MCTP2: variants seen among roughly 807,000 people sequenced by gnomAD.
MCTP2 encodes multiple C2 and transmembrane domain-containing protein 2.
A neutral mutation model predicts 111.6 loss-of-function variants in MCTP2; 132 were observed. The ratio of observed to expected loss-of-function variants is 1.18; its 90% CI spans 1.03 to 1.37. The LOEUF (loss-of-function observed/expected upper bound fraction) is 1.37, where lower values mean the gene tolerates loss of function less well. MCTP2 is among the 40% of genes most tolerant of loss of function. The pLI is 0.00. For synonymous variants in MCTP2, 395 were observed against 387.7 expected (o/e 1.02, Z -0.22); for missense variants, 1,183 against 1,067.9 (o/e 1.11, Z -1.50).
chr15:94,243,764 T>C (rs565381046), intron 1 of MCTP2, among the ~76,000 whole-genome samples: 3 of 148,228 alleles, frequency 2.0e-5, no homozygotes, highest in Admixed American at 6.7e-5. Flanking sequence ...TGCATATGTG[T>C]ATATATTTAT....
intron 1 of MCTP2, among the ~76,000 whole-genome samples, chr15:94,250,231 G>A (rs927291954): frequency 4.6e-5 from 7 of 152,116 alleles, no homozygotes; most frequent in Admixed American, 6.5e-5. Context: ...TGAGTGGCTC[G>A]TATTTCTGTT....
At chr15:94,475,985 G>A (rs562042925) in intron 21 of MCTP2, among the ~76,000 whole-genome samples, 1 of 152,256 alleles carries the variant, frequency 6.6e-6, no homozygotes. Flanking sequence ...CCCACGCACC[G>A]ACGTTGTGAT....
chr15:94,386,802 AAAAAC>A (rs71135511), intron 14 of MCTP2, among the ~76,000 whole-genome samples: 28 of 150,972 alleles, frequency 1.9e-4, no homozygotes, highest in Admixed American at 6.6e-4. Context: ...AACATGACTT[AAAAAC>A]AAAACAAAAC....
chr15:94,409,530 G>T (rs76834515), intron 17 of MCTP2, among the ~76,000 whole-genome samples: 1,735 of 151,914 alleles, frequency 0.011, 22 homozygotes, highest in Middle Eastern at 0.044. Context: ...GTCTTTTACA[G>T]ATCCCAAGTA....
chr15:94,467,488 T>TTAGTTTTTTAC (rs1202873915), intron 20 of MCTP2, among the ~76,000 whole-genome samples: 1 of 152,116 alleles, frequency 6.6e-6, no homozygotes, highest in Non-Finnish European at 1.5e-5. Flanking sequence ...CTTCTACAGT[T>TTAGTTTTTTAC]TAGTTTTTTA....
chr15:94,434,711 A>G (rs1212489761), intron 17 of MCTP2, among the ~76,000 whole-genome samples: 1 of 152,062 alleles, frequency 6.6e-6, no homozygotes, highest in Non-Finnish European at 1.5e-5. Flanking sequence ...CTTCTACTCC[A>G]CTGATGTATA....
At chr15:94,235,113 G>T (rs1306434782) in intron 1 of MCTP2, among the ~76,000 whole-genome samples, 1 of 152,268 alleles carries the variant, frequency 6.6e-6, no homozygotes, top group South Asian at 2.1e-4. Context: ...TTAGTCCGGT[G>T]TGGTGGCAGT....
chr15:94,463,528 TATAAGA>T (rs1422941276), intron 20 of MCTP2, among the ~76,000 whole-genome samples: 1 of 152,184 alleles, frequency 6.6e-6, no homozygotes, highest in African/African-American at 2.4e-5. Flanking sequence ...TAGATAAATG[TATAAGA>T]ATAATTTTTT....
chr15:94,235,135 T>G (rs2070452769), intron 1 of MCTP2, among the ~76,000 whole-genome samples: 1 of 151,846 alleles, frequency 6.6e-6, no homozygotes, highest in South Asian at 2.1e-4. Flanking sequence ...CCTATAATCC[T>G]AGGTAATTGG....
At chr15:94,417,440 T>G (rs2082424731) in intron 17 of MCTP2, among the ~76,000 whole-genome samples, 1 of 152,064 alleles carries the variant, frequency 6.6e-6, no homozygotes, top group Non-Finnish European at 1.5e-5. Flanking sequence ...AAAATTGAAT[T>G]TGTAGTTGCT....
At chr15:94,300,600 T>C (rs1474086220) in intron 2 of MCTP2, among the ~76,000 whole-genome samples, 1 of 151,980 alleles carries the variant, frequency 6.6e-6, no homozygotes, top group Non-Finnish European at 1.5e-5. Context: ...AAAGTTGCTA[T>C]TGGAAATAGA....
intron 17 of MCTP2, among the ~76,000 whole-genome samples, chr15:94,420,901 C>T (rs2082595915): frequency 6.6e-6 from 1 of 152,118 alleles, no homozygotes; most frequent in Admixed American, 6.5e-5. Flanking sequence ...GCATCACATG[C>T]TACAGAGAAA....
At position 94,479,914 on chromosome 15, in the gene MCTP2, T is replaced by A. The variant is rs2152549494; in HGVS notation, c.*880T>A. ...AAGAAACTGAAGACCGAGAGACTAA[T>A]AAGGCTGCTTACCTAATTATTATAA... On this transcript the variant is annotated 3_prime_UTR_variant, in exon 23 of 23. Coordinates refer to ENST00000357742, the MANE Select transcript of MCTP2 (RefSeq NM_001385001.1). 6.6e-6 allele frequency: 1 copy of A among 152,330 alleles called. No homozygotes were observed. The highest frequency in any genetic ancestry group is 2.1e-4 in the South Asian group (1 of 4,832). 9.4% of individuals were successfully genotyped at this position (152,330 alleles called of 1,614,324 possible).
Position 94,474,459 on chromosome 15 carries a change from C to T in MCTP2, c.2471-2237C>T, listed in dbSNP as rs566731489. 5.3e-4 allele frequency among the ~76,000 whole-genome samples: 81 copies of T among 152,300 alleles called. 1 individual carries two copies. The highest frequency in any genetic ancestry group is 4.2e-3 in the Admixed American group (64 of 15,304). ...ATATTAATGTAAGAAATGTGAGGTA[C>T]AGGAAGGTTACGTGATTTTTCTAAA... On this transcript the variant is annotated intron_variant, in intron 21 of 22. Coordinates refer to ENST00000357742, the MANE Select transcript of MCTP2 (RefSeq NM_001385001.1).
intron 16 of MCTP2, among the ~76,000 whole-genome samples, chr15:94,400,918 C>T (rs958908321): frequency 2.0e-5 from 3 of 152,064 alleles, no homozygotes; most frequent in Non-Finnish European, 2.9e-5. Context: ...TTTGGTCTGC[C>T]GTAACATTGA....
intron 20 of MCTP2, 23 bp from the exon 21 acceptor site, chr15:94,470,310 A>T (rs1567782041): frequency 6.7e-7 from 1 of 1,485,996 alleles, no homozygotes; most frequent in Admixed American, 1.7e-5. Context: ...AGAGGAAATT[A>T]TATTTATGTG....
At chr15:94,290,560 A>C (rs1034144022) in intron 1 of MCTP2, among the ~76,000 whole-genome samples, 33 of 152,232 alleles carry the variant, frequency 2.2e-4, no homozygotes, top group African/African-American at 8.0e-4. Context: ...CCTATCAAGT[A>C]CTATGTTAAA....
At chr15:94,349,818 T>TC (rs373349483) in intron 8 of MCTP2, among the ~76,000 whole-genome samples, 47,190 of 132,782 alleles carry the variant, frequency 0.36, 8,920 homozygotes, top group Admixed American at 0.43. Context: ...GGACTCTGTC[T>TC]GAAAAAAAAA....
intron 17 of MCTP2, chr15:94,402,464 T>C (rs2081646297): frequency 1.3e-6 from 2 of 1,551,510 alleles, no homozygotes; most frequent in Admixed American, 2.0e-5. Flanking sequence ...TACTGATCAT[T>C]ACACATTGCA....
Sources: gnomAD v4.1 joint callset for allele counts (sites outside exome capture counted in the v4.1 genomes callset) on GRCh38, gnomAD v4.1.1 for gene constraint, MANE v1.5 for transcripts, NCBI Gene and HGNC (gene_info 2026-07-23, HGNC 2026-07-21) for gene names.